The following E2F4 variants were observed in gnomAD, a reference collection of about 807,000 sequenced individuals.
E2F4 encodes the protein transcription factor E2F4.
A neutral mutation model predicts 44.5 loss-of-function variants in E2F4; 16 were observed. The observed-to-expected ratio is 0.36, with a 90% CI of 0.24 to 0.55. E2F4 has a LOEUF of 0.55. Ranked by LOEUF, E2F4 falls within the 20% of genes least tolerant of loss-of-function variation. The pLI, the probability that E2F4 is intolerant of heterozygous loss-of-function variation, is 0.87. For synonymous variants in E2F4, 242 were observed against 207.2 expected (o/e 1.17, Z -1.44); for missense variants, 473 against 522.1 (o/e 0.91, Z 0.92).
rs9932087 is a variant in E2F4 at position 67,198,457 on chromosome 16, T to C, written c.*334T>C. 0.1 allele frequency: 30,318 copies of C among 299,134 alleles called. 2,694 individuals are homozygous for C. The highest frequency in any genetic ancestry group is 0.29 in the African/African-American group (13,467 of 46,546). The allele number at this position is 299,134 out of a possible 1,614,324, so 18.5% of individuals were successfully genotyped here. On this transcript the variant is annotated 3_prime_UTR_variant, in exon 10 of 10. Coordinates refer to ENST00000379378, the MANE Select transcript of E2F4 (RefSeq NM_001950.4). ...ACCCCCCATAGGGGGCAGTGTCTTG[T>C]TCCTGCCAGCCTCAGTGTCTTGCTT...
At chr16:67,196,372 C>A (rs1244221710) in intron 7 of E2F4, among the ~76,000 whole-genome samples, 1 of 152,230 alleles carries the variant, frequency 6.6e-6, no homozygotes, top group Non-Finnish European at 1.5e-5. Context: ...GTCACCCCCC[C>A]AGCCCCAGTG....
chr16:67,196,497 C>T (rs899856070), intron 7 of E2F4, among the ~76,000 whole-genome samples: 1 of 152,166 alleles, frequency 6.6e-6, no homozygotes, highest in Non-Finnish European at 1.5e-5. Flanking sequence ...CCTTTGGCAT[C>T]ATGATGCCAG....
intron 7 of E2F4, among the ~76,000 whole-genome samples, chr16:67,196,477 A>G (rs1274850927): frequency 6.6e-6 from 1 of 152,026 alleles, no homozygotes; most frequent in African/African-American, 2.4e-5. Flanking sequence ...CTGTGTCAAT[A>G]TTCTTTCCTC....
rs995060206 is a variant in E2F4, at chr16:67,192,243, C to A, written c.16C>A (p.Pro6Thr). The A allele has an allele frequency of 7.9e-7, 1 of 1,273,106 alleles. No individual in the cohort carries two copies. Among genetic ancestry groups the A allele is most frequent in the Non-Finnish European group, 9.9e-7 (1 of 1,007,782 alleles). The allele number at this position is 1,273,106 out of a possible 1,614,324, so 78.9% of individuals were successfully genotyped here. Reference protein sequence around the residue: MAEAGPQAPPPPGTPS... With the variant: MAEAGTQAPPPPGTPS... ...GGCGGGCGCGATGGCGGAGGCCGGGCCACAGGCGCCGCCGCCCCCGGGCAC... is the reference window on the plus strand; with the variant it reads ...GGCGGGCGCGATGGCGGAGGCCGGGACACAGGCGCCGCCGCCCCCGGGCAC... The change falls in exon 1 of 10, where the codon CCA becomes ACA. Residue 6 changes from proline to threonine, a missense_variant. Around this residue, in one of 3 missense-constraint regions of E2F4, gnomAD observed 40 missense variants for 30.8 expected, o/e 1.30. Transcript: ENST00000379378.
rs1161315093 is a variant in E2F4, at chr16:67,198,870, T to A, written c.*747T>A. The A allele has an allele frequency of 4.7e-6, 2 of 429,354 alleles. No homozygotes were observed. The highest frequency in any genetic ancestry group is 8.3e-6 in the Non-Finnish European group (2 of 241,578). 26.6% of individuals were successfully genotyped at this position (429,354 alleles called of 1,614,324 possible). On this transcript the variant is annotated 3_prime_UTR_variant, in exon 10 of 10. Transcript: ENST00000379378. Reference sequence around the variant, plus strand: ...TATACTTTTTGCAGCAAAAGGAAATTGTAATATTTGTACAGTGTTCAAGTG... The same window carrying A: ...TATACTTTTTGCAGCAAAAGGAAATAGTAATATTTGTACAGTGTTCAAGTG...
chr16:67,194,357 T>C (rs1473774067), intron 4 of E2F4, 41 bp from the exon 5 acceptor site: 2 of 1,608,242 alleles, frequency 1.2e-6, no homozygotes, highest in Non-Finnish European at 8.5e-7. Flanking sequence ...CCAGCTCAGA[T>C]TGAGCCCATG....
rs2032894833 is a variant in E2F4 at position 67,192,168 on chromosome 16, G to C, written c.-60G>C. On this transcript the variant is annotated 5_prime_UTR_variant, in exon 1 of 10. Transcript: ENST00000379378. ...TGCCCGGCGGCCAGGAACGGAAGCG[G>C]AAGTGGCGGCGGCGCCGGCCTGGCC... 2.5e-6 allele frequency: 3 copies of C among 1,193,242 alleles called. No individual in the cohort carries two copies. Among genetic ancestry groups the C allele is most frequent in the Non-Finnish European group, 3.1e-6 (3 of 962,368 alleles). 73.9% of individuals were successfully genotyped at this position (1,193,242 alleles called of 1,614,324 possible).
intron 4 of E2F4, 106 bp from the exon 5 acceptor site, chr16:67,194,292 G>T: frequency 1.6e-6 from 2 of 1,268,146 alleles, no homozygotes; most frequent in East Asian, 2.4e-5. Context: ...CCACTGTCTA[G>T]TTCCTCAGGG....
chr16:67,192,752 C>T lies in E2F4; in HGVS notation c.136-9C>T, dbSNP rs1291165169. 7 of 1,605,134 alleles carry T rather than the reference C, an allele frequency of 4.4e-6. No homozygotes were observed. Among genetic ancestry groups the T allele is most frequent in the South Asian group, 3.3e-5 (3 of 89,686 alleles). On this transcript the variant is annotated splice_polypyrimidine_tract_variant and intron_variant, in intron 1 of 9. Coordinates refer to ENST00000379378, the MANE Select transcript of E2F4 (RefSeq NM_001950.4). The stretch of plus-strand genomic sequence containing the variant: ...AGTGGGGCTGAGCATTCTCCATTCT[C>T]TCTGCCAGGCAGCTGACACCCTAGC...
At position 67,194,809 on chromosome 16, in the gene E2F4, G is replaced by A; in HGVS notation, c.637G>A (p.Glu213Lys). 6.2e-7 allele frequency: 1 copy of A among 1,614,166 alleles called. No individual in the cohort carries two copies. The highest frequency in any genetic ancestry group is 8.5e-7 in the Non-Finnish European group (1 of 1,180,016). Reference protein sequence around the residue: ...PPVAVPVPPPEDLLQSPSAVS... With the variant: ...PPVAVPVPPPKDLLQSPSAVS... ...TGTGGCTGTGCCTGTGCCACCACCT[G>A]AAGATTTGCTCCAGAGCCCATCTGC... Residue 213 changes from glutamate to lysine, a missense_variant, in exon 6 of 10, where the codon GAA becomes AAA. Around this residue, in one of 3 missense-constraint regions of E2F4, gnomAD observed 314 missense variants for 315.6 expected, o/e 0.99. Transcript: ENST00000379378.
intron 2 of E2F4, 34 bp downstream of exon 2, chr16:67,192,904 C>G (rs762346686): frequency 1.3e-6 from 2 of 1,589,262 alleles, no homozygotes; most frequent in South Asian, 2.3e-5. Flanking sequence ...AGTAGAGTCT[C>G]CCACCCAGAA....
At chr16:67,196,238 C>T (rs1043557150) in intron 7 of E2F4, among the ~76,000 whole-genome samples, 3 of 152,176 alleles carry the variant, frequency 2.0e-5, no homozygotes, top group Admixed American at 6.5e-5. Flanking sequence ...CTTGGAGCAC[C>T]GCCTCACTAA....
Position 67,196,014 on chromosome 16 carries a change from C to T in E2F4, c.1033+8C>T. On this transcript the variant is annotated splice_region_variant and intron_variant, in intron 7 of 9. Coordinates refer to ENST00000379378, the MANE Select transcript of E2F4 (RefSeq NM_001950.4). ...AGGCAGACCCCACAGGTGGTGAGTACCTGCCCCCTGGGGGCAGAGAGAGAG... is the reference window on the plus strand; with the variant it reads ...AGGCAGACCCCACAGGTGGTGAGTATCTGCCCCCTGGGGGCAGAGAGAGAG... The T allele has an allele frequency of 6.2e-7, 1 of 1,613,696 alleles. No individual in the cohort carries two copies. Among genetic ancestry groups the T allele is most frequent in the Non-Finnish European group, 8.5e-7 (1 of 1,179,640 alleles).
At position 67,198,455 on chromosome 16, in the gene E2F4, T is replaced by A. The variant is rs2033013139; in HGVS notation, c.*332T>A. On this transcript the variant is annotated 3_prime_UTR_variant, in exon 10 of 10. Coordinates refer to ENST00000379378, the MANE Select transcript of E2F4 (RefSeq NM_001950.4). Reference sequence around the variant, plus strand: ...TTACCCCCCATAGGGGGCAGTGTCTTGTTCCTGCCAGCCTCAGTGTCTTGC... The same window carrying A: ...TTACCCCCCATAGGGGGCAGTGTCTAGTTCCTGCCAGCCTCAGTGTCTTGC... 3.2e-6 allele frequency: 1 copy of A among 309,062 alleles called. No individual in the cohort carries two copies. The allele number at this position is 309,062 out of a possible 1,614,324, so 19.1% of individuals were successfully genotyped here. A position where few individuals can be genotyped will look rare whatever the true frequency, so the allele number is the denominator to read the frequency against.
At position 67,192,259 on chromosome 16, in the gene E2F4, C is replaced by A; in HGVS notation, c.32C>A (p.Pro11His). 7.7e-7 allele frequency: 1 copy of A among 1,290,880 alleles called. No homozygotes were observed. The highest frequency in any genetic ancestry group is 9.9e-7 in the Non-Finnish European group (1 of 1,014,872). 80.0% of individuals were successfully genotyped at this position (1,290,880 alleles called of 1,614,324 possible). Residue 11 changes from proline to histidine, a missense_variant, in exon 1 of 10, where the codon CCC (proline) becomes CAC (histidine). By Grantham distance (77) the Pro-to-His change is moderately conservative (BLOSUM62 -2). Coordinates refer to ENST00000379378, the MANE Select transcript of E2F4 (RefSeq NM_001950.4). ...GAGGCCGGGCCACAGGCGCCGCCGC[C>A]CCCGGGCACTCCAAGCCGGCACGAA... MAEAGPQAPP[P>H]PGTPSRHEKS... is the part of the protein sequence containing the mutation.
intron 1 of E2F4, 33 bp downstream of exon 1, chr16:67,192,395 C>T (rs1319850828): frequency 2.1e-6 from 3 of 1,409,888 alleles, no homozygotes; most frequent in Non-Finnish European, 2.8e-6. Flanking sequence ...ACAAGGGAGG[C>T]TGGTGGACCA....
rs1001480494 is a variant in E2F4, at chr16:67,198,459, C to T, written c.*336C>T. On this transcript the variant is annotated 3_prime_UTR_variant, in exon 10 of 10. Transcript: ENST00000379378. ...CCCCCATAGGGGGCAGTGTCTTGTT[C>T]CTGCCAGCCTCAGTGTCTTGCTTCT... is the stretch of plus-strand genomic sequence containing the variant. 1.0e-5 allele frequency: 3 copies of T among 292,950 alleles called. No homozygotes were observed. The highest frequency in any genetic ancestry group is 2.2e-5 in the African/African-American group (1 of 46,268). 18.1% of individuals were successfully genotyped at this position (292,950 alleles called of 1,614,324 possible). A position where few individuals can be genotyped will look rare whatever the true frequency, so the allele number is the denominator to read the frequency against.
rs1285027971 is a variant in E2F4, at chr16:67,198,263, C to G, written c.*140C>G. The stretch of plus-strand genomic sequence containing the variant: ...TCCGGCCTCCCCTCACCGCACAGTT[C>G]TGGCCACAGCTCCCGCTCCTGTGCT... On this transcript the variant is annotated 3_prime_UTR_variant, in exon 10 of 10. Coordinates refer to ENST00000379378, the MANE Select transcript of E2F4 (RefSeq NM_001950.4). 1 of 700,468 alleles carries G rather than the reference C, an allele frequency of 1.4e-6. No individual in the cohort carries two copies. Among genetic ancestry groups the G allele is most frequent in the Non-Finnish European group, 2.5e-6 (1 of 403,234 alleles). The allele number at this position is 700,468 out of a possible 1,614,324, so 43.4% of individuals were successfully genotyped here.
Position 67,198,072 on chromosome 16 carries a change from C to T in E2F4, c.1191C>T (p.Asp397=), listed in dbSNP as rs146072162. ...PGDHDYIYNL[D]ESEGVCDLFD... ...ACCACGATTATATCTACAACCTGGA[C>T]GAGAGTGAAGGTGTCTGTGACCTCT... The change falls in exon 10 of 10, where the codon GAC becomes GAT. Residue 397 remains aspartate, a synonymous_variant. Transcript: ENST00000379378. 1.2e-5 allele frequency: 19 copies of T among 1,613,930 alleles called. No homozygotes were observed. The South Asian group carries it at 1.2e-4, about 10-fold the overall frequency.
Sources: gnomAD v4.1 joint callset for allele counts (sites outside exome capture counted in the v4.1 genomes callset) on GRCh38, gnomAD v4.1.1 for gene constraint, gnomAD v4.1.1 regional missense constraint, MANE v1.5 for transcripts, NCBI Gene and HGNC (gene_info 2026-07-23, HGNC 2026-07-21) for gene names.